The following HTRA1 variants were observed in gnomAD, a reference collection of about 807,000 sequenced individuals.
HTRA1 encodes the protein HtrA serine peptidase 1, also known as serine protease HTRA1.
HTRA1 carries 26 observed loss-of-function variants against 49.7 expected under a neutral mutation model. The ratio of observed to expected loss-of-function variants is 0.52; its 90% CI spans 0.38 to 0.73. The LOEUF (loss-of-function observed/expected upper bound fraction) is 0.73. Ranked by LOEUF, HTRA1 falls within the 30% of genes least tolerant of loss-of-function variation. HTRA1 has a pLI of 0.00. For missense variants in HTRA1, 561 were observed against 667.2 expected (o/e 0.84, Z 1.75); for synonymous variants, 291 against 286.9 (o/e 1.01, Z -0.14).
At chr10:122,469,624 C>T (rs1221174250) in intron 1 of HTRA1, among the ~76,000 whole-genome samples, 1 of 152,204 alleles carries the variant, frequency 6.6e-6, no homozygotes, top group African/African-American at 2.4e-5. Flanking sequence ...GCACTGTGCT[C>T]ATTGTGTTAT....
chr10:122,483,149 G>A (rs986328593), intron 1 of HTRA1, among the ~76,000 whole-genome samples: 5 of 152,194 alleles, frequency 3.3e-5, no homozygotes, highest in Middle Eastern at 3.4e-3. Flanking sequence ...CACTGCCTAC[G>A]TCTGTTTTCT....
rs1406157643 is a variant in HTRA1 at position 122,476,782 on chromosome 10, C to G, written c.473-12120C>G. Among the ~76,000 whole-genome samples the G allele has an allele frequency of 2.0e-5, 3 of 151,954 alleles. No individual in the cohort carries two copies. The South Asian group carries it at 6.2e-4, about 32-fold the overall frequency. ...AGGGATGGTTGCGCTTGCATCCAGC[C>G]CTGACTGCATTCGCTCTCCCCCGCC... On this transcript the variant is annotated intron_variant, in intron 1 of 8. Transcript: ENST00000368984.
At position 122,488,986 on chromosome 10, in the gene HTRA1, T is replaced by C; in HGVS notation, c.557T>C (p.Ile186Thr). Residue 186 changes from isoleucine (I) to threonine (T), a missense_variant, in exon 2 of 9, where the codon ATC becomes ACC. By Grantham distance (89) the Ile-to-Thr change is moderately conservative. Transcript: ENST00000368984. Reference protein sequence around the residue: ...VEKIAPAVVHIELFRKLPFSK... With the variant: ...VEKIAPAVVHTELFRKLPFSK... Reference sequence around the variant, plus strand: ...AAGATCGCCCCTGCCGTGGTTCATATCGAATTGTTTCGCAAGTAAAGAGAG... The same window carrying C: ...AAGATCGCCCCTGCCGTGGTTCATACCGAATTGTTTCGCAAGTAAAGAGAG... The C allele has an allele frequency of 6.2e-7, 1 of 1,613,464 alleles. No individual in the cohort carries two copies. Among genetic ancestry groups the C allele is most frequent in the Non-Finnish European group, 8.5e-7 (1 of 1,179,346 alleles).
intron 7 of HTRA1, among the ~76,000 whole-genome samples, chr10:122,511,657 C>A (rs1029607433): frequency 4.0e-5 from 6 of 151,434 alleles, no homozygotes; most frequent in African/African-American, 1.5e-4. Flanking sequence ...TGCTTGAACC[C>A]GGGATATGTA....
chr10:122,501,812 C>A lies in HTRA1; in HGVS notation c.778-4879C>A, dbSNP rs190204773. On this transcript the variant is annotated intron_variant, in intron 3 of 8. Coordinates refer to ENST00000368984, the MANE Select transcript of HTRA1 (RefSeq NM_002775.5). Reference sequence around the variant, plus strand: ...GATGTGATGTCTGGAATGGTGGTGGCCGTCTTGTGGCTGTGAGAACAGGCT... The same window carrying A: ...GATGTGATGTCTGGAATGGTGGTGGACGTCTTGTGGCTGTGAGAACAGGCT... 1.4e-4 allele frequency among the ~76,000 whole-genome samples: 21 copies of A among 152,088 alleles called. No homozygotes were observed. The East Asian group carries it at 4.1e-3, about 29-fold the overall frequency.
chr10:122,496,597 C>T (rs954745323), intron 3 of HTRA1, among the ~76,000 whole-genome samples: 164 of 151,944 alleles, frequency 1.1e-3, no homozygotes, highest in African/African-American at 3.8e-3. Context: ...GTACAGTGCA[C>T]GAAGCAAACA....
chr10:122,497,902 G>A (rs909288), intron 3 of HTRA1, among the ~76,000 whole-genome samples: 2,760 of 152,308 alleles, frequency 0.018, 75 homozygotes, highest in East Asian at 0.14. Context: ...TGGAGGAGAC[G>A]CAAGTTAGAC....
At position 122,487,051 on chromosome 10, in the gene HTRA1, C is replaced by T. The variant is rs1213214742; in HGVS notation, c.473-1851C>T. 6.6e-6 allele frequency among the ~76,000 whole-genome samples: 1 copy of T among 152,056 alleles called. No homozygotes were observed. The highest frequency in any genetic ancestry group is 2.4e-5 in the African/African-American group (1 of 41,384). ...TGGTAAATGAGACACAAAATACCTACAAAATACAAAATGTGAGACAGGAAA... is the reference window on the plus strand; with the variant it reads ...TGGTAAATGAGACACAAAATACCTATAAAATACAAAATGTGAGACAGGAAA... On this transcript the variant is annotated intron_variant, in intron 1 of 8. Transcript: ENST00000368984. This position sits in a 1 kb window ranked among gnomAD's most constrained non-coding sequence, Gnocchi z 4.8.
intron 4 of HTRA1, 27 bp from the exon 5 acceptor site, chr10:122,507,343 A>T (rs2097503502): frequency 1.8e-5 from 29 of 1,603,314 alleles, no homozygotes; most frequent in Non-Finnish European, 2.5e-5. Context: ...CACGATTTGT[A>T]ACCTTTTCAT....
rs189143556 is a variant in HTRA1, at chr10:122,508,138, C to G, written c.1006-518C>G. Among the ~76,000 whole-genome samples the G allele has an allele frequency of 3.9e-5, 6 of 152,304 alleles. No individual in the cohort carries two copies. In the East Asian group the frequency reaches 1.2e-3, roughly 29 times the overall value. ...GTGTGCACTTGGCAGCTTTCTCTTC[C>G]CAGCAGAGGGGCAGCTGTGCTCCCA... is the stretch of plus-strand genomic sequence containing the variant. On this transcript the variant is annotated intron_variant, in intron 5 of 8. Coordinates refer to ENST00000368984, the MANE Select transcript of HTRA1 (RefSeq NM_002775.5).
chr10:122,505,823 G>C (rs2097502792), intron 3 of HTRA1, among the ~76,000 whole-genome samples: 1 of 152,222 alleles, frequency 6.6e-6, no homozygotes, highest in South Asian at 2.1e-4. Context: ...CTCCGAGGAA[G>C]GCAGAGAGGG....
At chr10:122,471,015 C>T (rs371160011) in intron 1 of HTRA1, among the ~76,000 whole-genome samples, 7 of 152,230 alleles carry the variant, frequency 4.6e-5, no homozygotes, top group East Asian at 1.9e-4. Flanking sequence ...AGAACATCAG[C>T]ATCCCAATCA....
chr10:122,502,306 G>T (rs886571773), intron 3 of HTRA1, among the ~76,000 whole-genome samples: 1 of 152,206 alleles, frequency 6.6e-6, no homozygotes, highest in Non-Finnish European at 1.5e-5. Flanking sequence ...GCTGCTTGTT[G>T]TTGTCTGTTG....
chr10:122,474,299 A>G (rs567625627), intron 1 of HTRA1, among the ~76,000 whole-genome samples: 99 of 152,204 alleles, frequency 6.5e-4, no homozygotes, highest in African/African-American at 2.3e-3. Flanking sequence ...ACCACTCTTC[A>G]TTTCTTATTT....
intron 7 of HTRA1, 76 bp from the exon 8 acceptor site, chr10:122,511,894 T>C (rs1591042413): frequency 2.0e-6 from 2 of 1,005,362 alleles, no homozygotes; most frequent in East Asian, 2.4e-5. Context: ...AGACGGGAAC[T>C]GGTGAGAGCT....
Position 122,514,852 on chromosome 10 carries a change from G to A in HTRA1, c.*493G>A, listed in dbSNP as rs2097507202. ...GTTGCCTCTTTTAGGAATCTCTTTG[G>A]AATTGGGAGCACGATGACTCTGAGT... On this transcript the variant is annotated 3_prime_UTR_variant, in exon 9 of 9. Coordinates refer to ENST00000368984, the MANE Select transcript of HTRA1 (RefSeq NM_002775.5). 5.1e-6 allele frequency: 1 copy of A among 195,746 alleles called. No individual in the cohort carries two copies. The highest frequency in any genetic ancestry group is 5.3e-5 in the Admixed American group (1 of 18,724). The allele number at this position is 195,746 out of a possible 1,614,324, so 12.1% of individuals were successfully genotyped here. A position where few individuals can be genotyped will look rare whatever the true frequency, so the allele number is the denominator to read the frequency against.
chr10:122,510,477 C>T (rs1272193863), intron 7 of HTRA1, among the ~76,000 whole-genome samples: 1 of 152,196 alleles, frequency 6.6e-6, no homozygotes, highest in Non-Finnish European at 1.5e-5. Context: ...CTCACGTCTT[C>T]CTTACCCCAC....
rs113993970 is a variant in HTRA1 at position 122,506,817 on chromosome 10, C to T, written c.904C>T (p.Arg302Ter). The change falls in exon 4 of 9, where the codon CGA (arginine) becomes TGA (stop). Residue 302 changes from arginine to a stop codon, truncating the protein, a stop_gained. Transcript: ENST00000368984. LOFTEE classifies it high-confidence loss of function. The surrounding 1 kb of genome is among the most constrained non-coding windows in gnomAD (Gnocchi z 5.2). ...VTTGIVSTTQ[R>*]GGKELGLRNS... is the part of the protein sequence containing the mutation. ...CACCGGGATCGTGAGCACCACCCAG[C>T]GAGGCGGCAAAGAGCTGGGGCTCCG... 18 of 1,613,732 alleles carry T rather than the reference C, an allele frequency of 1.1e-5. No individual in the cohort carries two copies. Among genetic ancestry groups the T allele is most frequent in the East Asian group, 2.2e-5 (1 of 44,876 alleles).
rs80158665 is a variant in HTRA1, at chr10:122,489,101, C to T, written c.572+100C>T. The T allele has an allele frequency of 5.4e-4, 452 of 843,256 alleles. 3 individuals carry two copies. The East Asian group carries it at 8.9e-3, about 17-fold the overall frequency. The allele number at this position is 843,256 out of a possible 1,614,324, so 52.2% of individuals were successfully genotyped here. A position where few individuals can be genotyped will look rare whatever the true frequency, so the allele number is the denominator to read the frequency against. On this transcript the variant is annotated intron_variant, in intron 2 of 8. Transcript: ENST00000368984. ...GAGATACATTAAAGTGTCAAAGTGTCACTGAATATCTTCCTACTTAAGATA... is the reference window on the plus strand; with the variant it reads ...GAGATACATTAAAGTGTCAAAGTGTTACTGAATATCTTCCTACTTAAGATA...
Sources: gnomAD v4.1 joint callset for allele counts (sites outside exome capture counted in the v4.1 genomes callset) on GRCh38, gnomAD v4.1.1 for gene constraint, Gnocchi (gnomAD v3.1) non-coding constraint, MANE v1.5 for transcripts, NCBI Gene and HGNC (gene_info 2026-07-23, HGNC 2026-07-21) for gene names.